Variants in DLGAP2 observed in about 807,000 individuals in gnomAD.
The protein encoded by DLGAP2 is disks large-associated protein 2.
In DLGAP2, 26 loss-of-function variants were observed where a neutral mutation model predicts 100.3. That is an observed-to-expected ratio of 0.26 (90% confidence interval 0.19 to 0.36). The LOEUF is 0.36. Ranked by LOEUF, DLGAP2 falls within the 10% of genes least tolerant of loss-of-function variation. The pLI, the probability that DLGAP2 is intolerant of heterozygous loss-of-function variation, is 1.00. For synonymous variants in DLGAP2, 886 were observed against 630.1 expected, an observed-to-expected ratio of 1.41 and a Z score of -6.08; for missense variants, 1,858 against 1,453.2, an observed-to-expected ratio of 1.28 and a Z score of -4.53.
At chr8:1,472,017 C>T (rs142012741) in intron 3 of DLGAP2, among the ~76,000 whole-genome samples, 26 of 152,324 alleles carry the variant, frequency 1.7e-4, no homozygotes, top group Non-Finnish European at 2.5e-4. Flanking sequence ...CCAGGCACTA[C>T]GTTAAGGATA....
intron 1 of DLGAP2, among the ~76,000 whole-genome samples, chr8:853,098 C>T (rs759151949): frequency 2.4e-4 from 37 of 152,208 alleles, no homozygotes; most frequent in African/African-American, 8.9e-4. Flanking sequence ...ATGAGTCTAA[C>T]ATTGCACTTA....
chr8:1,050,044 T>C (rs542365215), intron 2 of DLGAP2, among the ~76,000 whole-genome samples: 1 of 152,186 alleles, frequency 6.6e-6, no homozygotes, highest in Non-Finnish European at 1.5e-5. Flanking sequence ...ACACACATGC[T>C]GTCACACACA....
intron 2 of DLGAP2, among the ~76,000 whole-genome samples, chr8:1,043,105 A>C: frequency 1.7e-5 from 1 of 59,386 alleles, no homozygotes; most frequent in East Asian, 6.4e-4. Context: ...GGTGGTGGAT[A>C]TGGGTGGTGG....
intron 4 of DLGAP2, among the ~76,000 whole-genome samples, chr8:1,509,696 G>C (rs1434210292): frequency 2.0e-5 from 3 of 152,064 alleles, no homozygotes; most frequent in African/African-American, 4.8e-5. Flanking sequence ...TTCTTTGTTT[G>C]TTAACAAAAA....
chr8:1,477,511 C>A (rs1034421329), intron 3 of DLGAP2, among the ~76,000 whole-genome samples: 3 of 152,304 alleles, frequency 2.0e-5, no homozygotes, highest in East Asian at 1.9e-4. Flanking sequence ...TATTGAAATT[C>A]TGGCTCAGAA....
intron 5 of DLGAP2, among the ~76,000 whole-genome samples, chr8:1,555,069 A>G (rs976654309): frequency 6.6e-6 from 1 of 152,112 alleles, no homozygotes; most frequent in African/African-American, 2.4e-5. Flanking sequence ...TAAGTGGCTC[A>G]TGGTATAGAT....
At chr8:1,240,050 A>C (rs1385414616) in intron 2 of DLGAP2, among the ~76,000 whole-genome samples, 1 of 150,550 alleles carries the variant, frequency 6.6e-6, no homozygotes, top group South Asian at 2.1e-4. Context: ...GTTCTCTCAC[A>C]TGGCGCCGTG....
rs538948427 is a variant in DLGAP2 at position 1,271,307 on chromosome 8, C to CG, written c.106+12431dup. 3.0e-3 allele frequency among the ~76,000 whole-genome samples: 452 copies of CG among 152,198 alleles called. 4 individuals are homozygous for CG. Among genetic ancestry groups the CG allele is most frequent in the African/African-American group, 0.01 (432 of 41,510 alleles). Reference sequence around the variant, plus strand: ...CTTCATGGCATCTGGACTCCTCAGCCGGGGGGGTGCGCCCATTTCAATGCG... The same window carrying CG: ...CTTCATGGCATCTGGACTCCTCAGCCGGGGGGGGTGCGCCCATTTCAATGCG... On this transcript the variant is annotated intron_variant, in intron 3 of 14. Transcript: ENST00000637795.
chr8:1,261,610 C>T (rs983810923), intron 3 of DLGAP2, among the ~76,000 whole-genome samples: 5 of 152,098 alleles, frequency 3.3e-5, no homozygotes, highest in Non-Finnish European at 5.9e-5. Flanking sequence ...TCTGGCCTGC[C>T]CCTCCTCACT....
In DLGAP2 at chr8:970,862, G is replaced by A. The variant is rs542207538; in HGVS notation, c.73+62896G>A. 1.3e-5 allele frequency among the ~76,000 whole-genome samples: 2 copies of A among 152,130 alleles called. 1 individual carries two copies. The highest frequency in any genetic ancestry group is 4.1e-4 in the South Asian group (2 of 4,820). ...ATGAAATTTCCATTGTCAGACCCCAGACTATCTTAACCTTGTTAACGATTA... is the reference window on the plus strand; with the variant it reads ...ATGAAATTTCCATTGTCAGACCCCAAACTATCTTAACCTTGTTAACGATTA... On this transcript the variant is annotated intron_variant, in intron 2 of 14. Coordinates refer to ENST00000637795, the MANE Select transcript of DLGAP2 (RefSeq NM_001346810.2).
chr8:967,386 GT>G (rs1290953068), intron 2 of DLGAP2, among the ~76,000 whole-genome samples: 1 of 152,202 alleles, frequency 6.6e-6, no homozygotes, highest in Non-Finnish European at 1.5e-5. Flanking sequence ...GGTGCCTGTG[GT>G]TTTGAGAGTG....
intron 3 of DLGAP2, among the ~76,000 whole-genome samples, chr8:1,476,739 C>T (rs761002308): frequency 2.0e-5 from 3 of 151,792 alleles, no homozygotes; most frequent in Non-Finnish European, 4.4e-5. Context: ...CTAGCCCGTT[C>T]TGCAGACCCA....
At chr8:1,416,895 T>G (rs1796901337) in intron 3 of DLGAP2, among the ~76,000 whole-genome samples, 1 of 152,160 alleles carries the variant, frequency 6.6e-6, no homozygotes, top group Non-Finnish European at 1.5e-5. Flanking sequence ...TGTGAAAGCT[T>G]CTCAGACTTG....
chr8:778,699 C>T (rs965927548), intron 1 of DLGAP2, among the ~76,000 whole-genome samples: 5 of 152,234 alleles, frequency 3.3e-5, no homozygotes, highest in Admixed American at 6.5e-5. Context: ...TCTGCCCCTT[C>T]TCAGATCTCC....
intron 2 of DLGAP2, among the ~76,000 whole-genome samples, chr8:1,214,069 GC>G (rs80058639): frequency 0.099 from 15,018 of 152,144 alleles, 1,550 homozygotes; most frequent in African/African-American, 0.27. Flanking sequence ...CCATGTGGTT[GC>G]CAGGCTCCTC....
chr8:1,127,720 T>C (rs564956437), intron 2 of DLGAP2, among the ~76,000 whole-genome samples: 2 of 152,308 alleles, frequency 1.3e-5, no homozygotes, highest in East Asian at 3.9e-4. Flanking sequence ...CCTTGGAAAC[T>C]GCAGCTTTCA....
chr8:1,078,366 G>A (rs1336671910), intron 2 of DLGAP2, among the ~76,000 whole-genome samples: 1 of 152,158 alleles, frequency 6.6e-6, no homozygotes, highest in Non-Finnish European at 1.5e-5. Flanking sequence ...TCTCACATGA[G>A]GTGGCACATT....
intron 3 of DLGAP2, among the ~76,000 whole-genome samples, chr8:1,353,991 G>A (rs1036910078): frequency 2.0e-5 from 3 of 152,152 alleles, no homozygotes; most frequent in Non-Finnish European, 2.9e-5. Context: ...AAAACCTAGT[G>A]CTTCTTCTAT....
intron 3 of DLGAP2, among the ~76,000 whole-genome samples, chr8:1,417,112 AC>A (rs1202274109): frequency 2.0e-5 from 3 of 149,638 alleles, no homozygotes. Context: ...TGGGGGGGAG[AC>A]CCCCGTTCAT....
Sources: gnomAD v4.1 joint callset for allele counts (sites outside exome capture counted in the v4.1 genomes callset) on GRCh38, gnomAD v4.1.1 for gene constraint, MANE v1.5 for transcripts, NCBI Gene and HGNC (gene_info 2026-07-23, HGNC 2026-07-21) for gene names.